Variants in GABRB1 observed in about 807,000 individuals in gnomAD.
The protein encoded by GABRB1 is gamma-aminobutyric acid type A receptor subunit beta1, also known as gamma-aminobutyric acid receptor subunit beta-1.
GABRB1 carries 17 observed loss-of-function variants against 51.6 expected under a neutral mutation model. That is an observed-to-expected ratio of 0.33 (90% CI 0.23 to 0.49). The LOEUF (loss-of-function observed/expected upper bound fraction) is 0.49. Among genes scored for constraint, GABRB1 ranks in the 20% least tolerant of loss-of-function variants. The probability of loss-of-function intolerance (pLI) is 0.99; values close to 1 mark genes in which losing one functional copy is unlikely to be tolerated. For synonymous variants in GABRB1, 247 were observed against 218.9 expected, an observed-to-expected ratio of 1.13 and a Z score of -1.14; for missense variants, 410 against 600.6, an observed-to-expected ratio of 0.68 and a Z score of 3.32.
intron 4 of GABRB1, among the ~76,000 whole-genome samples, chr4:47,316,630 A>G (rs1724902205): frequency 6.6e-6 from 1 of 151,956 alleles, no homozygotes; most frequent in African/African-American, 2.4e-5. Flanking sequence ...AGCACCAAGT[A>G]AAGCTTGCCT....
chr4:47,135,576 T>C (rs1353451090), intron 3 of GABRB1, among the ~76,000 whole-genome samples: 1 of 152,114 alleles, frequency 6.6e-6, no homozygotes, highest in Admixed American at 6.5e-5. Context: ...TCTCCCTTCT[T>C]ATTTTCTCTT....
At chr4:47,230,226 G>T (rs928236818) in intron 4 of GABRB1, among the ~76,000 whole-genome samples, 2 of 152,114 alleles carry the variant, frequency 1.3e-5, no homozygotes, top group African/African-American at 4.8e-5. Context: ...ATGTGGTGTG[G>T]GAGAATGTTG....
At chr4:47,181,213 A>C (rs750002856) in intron 4 of GABRB1, among the ~76,000 whole-genome samples, 2 of 151,992 alleles carry the variant, frequency 1.3e-5, no homozygotes, top group Non-Finnish European at 2.9e-5. Flanking sequence ...ATTTCTAATA[A>C]TATCTTTTCC....
At chr4:47,272,838 T>A (rs1722926308) in intron 4 of GABRB1, among the ~76,000 whole-genome samples, 1 of 152,178 alleles carries the variant, frequency 6.6e-6, no homozygotes, top group Non-Finnish European at 1.5e-5. Context: ...AATATCTCTG[T>A]ATACATTTTA....
intron 3 of GABRB1, among the ~76,000 whole-genome samples, chr4:47,044,705 CA>C (rs1000554302): frequency 1.3e-5 from 2 of 151,852 alleles, no homozygotes; most frequent in African/African-American, 4.8e-5. Context: ...GCCAAGACAC[CA>C]GGGGTAACAT....
chr4:47,379,215 T>C (rs1230631347), intron 5 of GABRB1, among the ~76,000 whole-genome samples: 2 of 152,198 alleles, frequency 1.3e-5, no homozygotes, highest in African/African-American at 4.8e-5. Context: ...TATACAACTA[T>C]GCTATACTAT....
chr4:47,161,561 T>C (rs558165501), intron 4 of GABRB1, 92 bp downstream of exon 4: 1 of 926,932 alleles, frequency 1.1e-6, no homozygotes, highest in South Asian at 1.5e-5. Context: ...GAAGCAAGAA[T>C]ATATAGATGA....
intron 5 of GABRB1, among the ~76,000 whole-genome samples, chr4:47,327,362 GA>G (rs1214402161): frequency 6.9e-6 from 1 of 145,984 alleles, no homozygotes; most frequent in African/African-American, 2.6e-5. Flanking sequence ...TCTCTTAAAA[GA>G]AAAAAAGAAA....
intron 4 of GABRB1, among the ~76,000 whole-genome samples, chr4:47,240,421 A>G (rs1189298293): frequency 1.3e-5 from 2 of 152,212 alleles, no homozygotes; most frequent in Non-Finnish European, 2.9e-5. Flanking sequence ...TGCATAATGA[A>G]TAAATGGGAA....
chr4:47,098,528 G>A, intron 3 of GABRB1, among the ~76,000 whole-genome samples: 1 of 152,066 alleles, frequency 6.6e-6, no homozygotes, highest in East Asian at 1.9e-4. Flanking sequence ...TCCTGATAGG[G>A]TAGTGTATTG....
intron 4 of GABRB1, among the ~76,000 whole-genome samples, chr4:47,188,462 T>G (rs1262435059): frequency 1.3e-5 from 2 of 151,956 alleles, no homozygotes; most frequent in Non-Finnish European, 2.9e-5. Flanking sequence ...GAATATTGTA[T>G]TTTGGATGCC....
chr4:47,164,410 T>A lies in GABRB1; in HGVS notation c.461+2941T>A, dbSNP rs1243341782. On this transcript the variant is annotated intron_variant, in intron 4 of 8. Transcript: ENST00000295454. ...CCTCCTAAGCACACATATAAGAATA[T>A]CCTTATCATATAACATATTGGCATA... 3.9e-5 allele frequency among the ~76,000 whole-genome samples: 6 copies of A among 152,084 alleles called. No individual in the cohort carries two copies. In the South Asian group the frequency reaches 6.2e-4, roughly 16 times the overall value.
chr4:47,208,317 G>T (rs976088665), intron 4 of GABRB1, among the ~76,000 whole-genome samples: 15 of 152,030 alleles, frequency 9.9e-5, no homozygotes, highest in Admixed American at 6.6e-5. Context: ...TAGATTTGAG[G>T]TTACCAGAGG....
intron 3 of GABRB1, among the ~76,000 whole-genome samples, chr4:47,046,249 G>A (rs1726081279): frequency 6.6e-6 from 1 of 152,056 alleles, no homozygotes; most frequent in Admixed American, 6.6e-5. Context: ...ATAGCAGGGT[G>A]AGGACGGACT....
Position 47,149,578 on chromosome 4 carries a change from A to G in GABRB1, c.241-11671A>G, listed in dbSNP as rs1717334092. 2.0e-5 allele frequency among the ~76,000 whole-genome samples: 3 copies of G among 152,134 alleles called. No homozygotes were observed. In the East Asian group the frequency reaches 5.8e-4, roughly 30 times the overall value. ...TTATACTGAATGTCTATTTTAGCCA[A>G]AGACTTAGTTGATAGCTCAGTTTGT... On this transcript the variant is annotated intron_variant, in intron 3 of 8. Transcript: ENST00000295454.
At chr4:47,363,935 C>T (rs1309192065) in intron 5 of GABRB1, among the ~76,000 whole-genome samples, 1 of 152,170 alleles carries the variant, frequency 6.6e-6, no homozygotes, top group Non-Finnish European at 1.5e-5. Context: ...CTTCCCAGAA[C>T]ACTTAATCAG....
intron 4 of GABRB1, among the ~76,000 whole-genome samples, chr4:47,284,627 G>A (rs1056576653): frequency 3.9e-5 from 6 of 152,086 alleles, no homozygotes; most frequent in Non-Finnish European, 7.4e-5. Context: ...ATCGCTTTTC[G>A]TAAGTAATCC....
chr4:47,262,244 G>T (rs1722469934), intron 4 of GABRB1, among the ~76,000 whole-genome samples: 1 of 152,128 alleles, frequency 6.6e-6, no homozygotes, highest in African/African-American at 2.4e-5. Flanking sequence ...ACTACCTTCA[G>T]AGTGAACAGG....
Position 47,320,173 on chromosome 4 carries a change from T to C in GABRB1, c.508T>C (p.Leu170=), listed in dbSNP as rs4482737. ...TATGATGGATCTTCGAAGATATCCA[T>C]TGGATGAGCAGAACTGCACCCTGGA... is the stretch of plus-strand genomic sequence containing the variant. ...ACMMDLRRYP[L]DEQNCTLEIE... Residue 170 remains leucine (L), a synonymous_variant, in exon 5 of 9, where the codon TTG becomes CTG. Transcript: ENST00000295454. 0.99 allele frequency: 1,584,985 copies of C among 1,607,758 alleles called. 781,536 individuals carry two copies. The highest frequency in any genetic ancestry group is 1 in the East Asian group (44,839 of 44,844).
Sources: gnomAD v4.1 joint callset for allele counts (sites outside exome capture counted in the v4.1 genomes callset) on GRCh38, gnomAD v4.1.1 for gene constraint, MANE v1.5 for transcripts, NCBI Gene and HGNC (gene_info 2026-07-23, HGNC 2026-07-21) for gene names.